PRKAR1B: variants seen among roughly 807,000 people sequenced by gnomAD.
PRKAR1B encodes the protein protein kinase cAMP-dependent type I regulatory subunit beta, also known as cAMP-dependent protein kinase type I-beta regulatory subunit.
PRKAR1B carries 22 observed loss-of-function variants against 46.5 expected under a neutral mutation model. The observed-to-expected ratio is 0.47, with a 90% CI of 0.34 to 0.68. The LOEUF (loss-of-function observed/expected upper bound fraction) is 0.68, where lower values mean the gene tolerates loss of function less well. Ranked by LOEUF, PRKAR1B falls within the 30% of genes least tolerant of loss-of-function variation. The probability of loss-of-function intolerance (pLI) is 0.01; values close to 1 mark genes in which losing one functional copy is unlikely to be tolerated. For synonymous variants in PRKAR1B, 259 were observed against 217.7 expected (o/e 1.19, Z -1.67); for missense variants, 445 against 535.6 (o/e 0.83, Z 1.67).
intron 2 of PRKAR1B, among the ~76,000 whole-genome samples, chr7:689,873 G>A (rs893879276): frequency 1.5e-4 from 23 of 151,754 alleles, no homozygotes; most frequent in Admixed American, 3.3e-4. Context: ...GTAGAGAACT[G>A]GGTTTTACCA....
At chr7:661,012 C>T (rs28436648) in intron 4 of PRKAR1B, among the ~76,000 whole-genome samples, 3 of 59,144 alleles carry the variant, frequency 5.1e-5, no homozygotes, top group Admixed American at 1.4e-4. Context: ...TACTCTCCCC[C>T]CCATGGCACA....
chr7:709,219 T>G (rs1780490183), intron 2 of PRKAR1B, among the ~76,000 whole-genome samples: 1 of 148,004 alleles, frequency 6.8e-6, no homozygotes, highest in African/African-American at 2.5e-5. Flanking sequence ...TAAAGAGAGG[T>G]CTTTAAAGAA....
At chr7:676,520 C>T (rs1008059135) in intron 4 of PRKAR1B, among the ~76,000 whole-genome samples, 1 of 152,234 alleles carries the variant, frequency 6.6e-6, no homozygotes, top group Non-Finnish European at 1.5e-5. Flanking sequence ...GGTAATCACA[C>T]CACCTGTGCC....
At chr7:639,391 T>C (rs377342358) in intron 4 of PRKAR1B, among the ~76,000 whole-genome samples, 97 of 152,252 alleles carry the variant, frequency 6.4e-4, no homozygotes, top group African/African-American at 2.2e-3. Flanking sequence ...CTAAGAACAA[T>C]GAACTTGGAC....
chr7:696,967 C>T (rs542559967), intron 2 of PRKAR1B: 1 of 152,490 alleles, frequency 6.6e-6, no homozygotes, highest in Non-Finnish European at 1.5e-5. Flanking sequence ...TCTTGGGATT[C>T]CGGGAAAGCC....
At chr7:578,454 T>G (rs1412864587) in intron 9 of PRKAR1B, among the ~76,000 whole-genome samples, 1 of 152,200 alleles carries the variant, frequency 6.6e-6, no homozygotes, top group Non-Finnish European at 1.5e-5. Flanking sequence ...AATTAAACTT[T>G]TAATTTTGCC....
intron 4 of PRKAR1B, among the ~76,000 whole-genome samples, chr7:640,852 A>G (rs189469674): frequency 6.0e-4 from 91 of 152,176 alleles, no homozygotes; most frequent in African/African-American, 2.2e-3. Context: ...AATGACTACA[A>G]TAAAAGACAG....
At chr7:654,675 C>T (rs1785097488) in intron 4 of PRKAR1B, among the ~76,000 whole-genome samples, 1 of 140,786 alleles carries the variant, frequency 7.1e-6, no homozygotes, top group Admixed American at 7.4e-5. Flanking sequence ...AATATCTTCA[C>T]CATCACCATC....
At chr7:680,775 C>T (rs372974492) in intron 2 of PRKAR1B, 49 bp from the exon 3 acceptor site, 39 of 1,607,672 alleles carry the variant, frequency 2.4e-5, no homozygotes, top group African/African-American at 6.7e-5. Context: ...CTGGCTGTCC[C>T]GGCCAGGCAC....
At chr7:724,695 C>G (rs192275630) in intron 1 of PRKAR1B, among the ~76,000 whole-genome samples, 1 of 152,244 alleles carries the variant, frequency 6.6e-6, no homozygotes, top group East Asian at 1.9e-4. Context: ...TCCCTTGACA[C>G]TCATTCTCTC....
intron 6 of PRKAR1B, among the ~76,000 whole-genome samples, chr7:597,057 A>G (rs183421218): frequency 6.6e-6 from 1 of 152,388 alleles, no homozygotes; most frequent in Admixed American, 6.5e-5. Context: ...GGTCCGTGCA[A>G]GAATGGTGCA....
chr7:552,699 G>C (rs1784323303), intron 9 of PRKAR1B, among the ~76,000 whole-genome samples: 1 of 152,218 alleles, frequency 6.6e-6, no homozygotes, highest in Non-Finnish European at 1.5e-5. Context: ...CTTTGCCGAG[G>C]CGAGCGGAGG....
intron 2 of PRKAR1B, among the ~76,000 whole-genome samples, chr7:695,239 G>A (rs1779665273): frequency 6.6e-6 from 1 of 152,132 alleles, no homozygotes; most frequent in Admixed American, 6.6e-5. Context: ...GAGGTGGCCG[G>A]CGAGAAAGGC....
At chr7:707,671 T>C (rs1027214486) in intron 2 of PRKAR1B, among the ~76,000 whole-genome samples, 2 of 152,152 alleles carry the variant, frequency 1.3e-5, no homozygotes, top group African/African-American at 4.8e-5. Context: ...GGATGACTAG[T>C]GTCCCTATGA....
chr7:652,435 G>A (rs1424104006), intron 4 of PRKAR1B, among the ~76,000 whole-genome samples: 1 of 134,052 alleles, frequency 7.5e-6, no homozygotes, highest in Non-Finnish European at 1.6e-5. Flanking sequence ...CCTCTCGGAA[G>A]ACAGTTCACA....
intron 3 of PRKAR1B, among the ~76,000 whole-genome samples, 170 bp downstream of exon 3, chr7:680,386 A>C (rs1336885839): frequency 1.3e-5 from 2 of 152,072 alleles, no homozygotes; most frequent in Non-Finnish European, 2.9e-5. Flanking sequence ...GTAGCAAACC[A>C]AGCCCACCCA....
intron 2 of PRKAR1B, among the ~76,000 whole-genome samples, chr7:702,079 C>G (rs77575193): frequency 0.01 from 1,523 of 152,120 alleles, 30 homozygotes; most frequent in African/African-American, 0.034. Flanking sequence ...AAAGATGATA[C>G]GTACAACAAC....
chr7:669,867 A>ATT (rs570284003), intron 4 of PRKAR1B, among the ~76,000 whole-genome samples: 6 of 131,436 alleles, frequency 4.6e-5, no homozygotes, highest in East Asian at 2.2e-4. Context: ...CACGTGCCAT[A>ATT]TTTTTTTTTT....
At chr7:566,337 A>T (rs1779131494) in intron 9 of PRKAR1B, among the ~76,000 whole-genome samples, 1 of 151,166 alleles carries the variant, frequency 6.6e-6, no homozygotes, top group South Asian at 2.1e-4. Flanking sequence ...CATCACCTTC[A>T]TCATCACCAT....
Sources: gnomAD v4.1 joint callset for allele counts (sites outside exome capture counted in the v4.1 genomes callset) on GRCh38, gnomAD v4.1.1 for gene constraint, MANE v1.5 for transcripts, NCBI Gene and HGNC (gene_info 2026-07-23, HGNC 2026-07-21) for gene names.